Variants in CFD observed in about 807,000 individuals in gnomAD.
CFD encodes the protein C3 convertase activator.
Under a neutral mutation model 21.1 loss-of-function variants are expected in CFD, and 24 were observed. The observed-to-expected ratio is 1.14, with a 90% CI of 0.82 to 1.60. The LOEUF (loss-of-function observed/expected upper bound fraction) is 1.60, where lower values mean the gene tolerates loss of function less well. CFD is among the 40% of genes most tolerant of loss of function. The pLI, the probability that CFD is intolerant of heterozygous loss-of-function variation, is 0.00. For synonymous variants in CFD, 242 were observed against 175.9 expected (o/e 1.38, Z -2.97); for missense variants, 535 against 383.3 (o/e 1.40, Z -3.31).
Position 863,357 on chromosome 19 carries a change from G to A in CFD, c.*119G>A, listed in dbSNP as rs1035605269. The A allele has an allele frequency of 2.4e-5, 29 of 1,185,540 alleles. No individual in the cohort carries two copies. Among genetic ancestry groups the A allele is most frequent in the East Asian group, 2.3e-4 (9 of 38,548 alleles). The allele number at this position is 1,185,540 out of a possible 1,614,324, so 73.4% of individuals were successfully genotyped here. A position where few individuals can be genotyped will look rare whatever the true frequency, so the allele number is the denominator to read the frequency against. ...CCTACTATATGCAGAAGGGGAGGCCGAGGTGGGAGGATCATTGGATCTCAG... is the reference window on the plus strand; with the variant it reads ...CCTACTATATGCAGAAGGGGAGGCCAAGGTGGGAGGATCATTGGATCTCAG... On this transcript the variant is annotated 3_prime_UTR_variant, in exon 5 of 5. Transcript: ENST00000327726.
chr19:863,175 G>GT lies in CFD; in HGVS notation c.699_700insT (p.Lys234Ter), dbSNP rs1171443297. The GT allele has an allele frequency of 6.6e-7, 1 of 1,517,268 alleles. No individual in the cohort carries two copies. The highest frequency in any genetic ancestry group is 8.8e-7 in the Non-Finnish European group (1 of 1,138,064). The allele number at this position is 1,517,268 out of a possible 1,614,324, so 94.0% of individuals were successfully genotyped here. A position where few individuals can be genotyped will look rare whatever the true frequency, so the allele number is the denominator to read the frequency against. On this transcript the variant is annotated frameshift_variant, in exon 5 of 5. Coordinates refer to ENST00000327726, the MANE Select transcript of CFD (RefSeq NM_001928.4). LOFTEE classifies it low-confidence loss of function (END_TRUNC). ...GCTCGCGCGTTTGCGGCAACCGCAA[G>GT]AAGCCCGGGATCTACACCCGCGTGG...
chr19:860,336 C>G (rs2035766937), intron 1 of CFD, among the ~76,000 whole-genome samples: 1 of 151,794 alleles, frequency 6.6e-6, no homozygotes, highest in South Asian at 2.1e-4. Context: ...GATTATAGGC[C>G]ACGCCGACTA....
At chr19:862,191 C>T (rs1416446605) in intron 4 of CFD, among the ~76,000 whole-genome samples, 2 of 70,398 alleles carry the variant, frequency 2.8e-5, no homozygotes, top group Admixed American at 2.1e-4. Flanking sequence ...GGAGAAGGTA[C>T]GGGGCCTCTG....
In CFD at chr19:861,842, G is replaced by A; in HGVS notation, c.501G>A (p.Gln167=). The A allele has an allele frequency of 6.9e-6, 11 of 1,600,124 alleles. No homozygotes were observed. Among genetic ancestry groups the A allele is most frequent in the East Asian group, 2.2e-5 (1 of 44,702 alleles). ...NHAGRRPDSL[Q]HVLLPVLDRA... is the part of the protein sequence containing the mutation. ...CGGGCCGCCGCCCGGACAGCCTGCA[G>A]CACGTGCTCTTGCCAGTGCTGGACC... is the stretch of plus-strand genomic sequence containing the variant. The change falls in exon 4 of 5, where the codon CAG becomes CAA. Residue 167 remains glutamine (Q), a synonymous_variant. Transcript: ENST00000327726.
At chr19:862,150 T>C (rs1171080302) in intron 4 of CFD, among the ~76,000 whole-genome samples, 194 bp downstream of exon 4, 1 of 4,930 alleles carries the variant, frequency 2.0e-4, no homozygotes, top group Non-Finnish European at 3.5e-4. Context: ...GCGGGGCATG[T>C]GGGTAGGGTG....
chr19:862,035 GC>G, intron 4 of CFD, 79 bp downstream of exon 4: 2 of 1,490,172 alleles, frequency 1.3e-6, no homozygotes, highest in Non-Finnish European at 1.8e-6. Context: ...GAAGCGGGGG[GC>G]AAGTAGGAAC....
At position 859,666 on chromosome 19, in the gene CFD, T is replaced by C; in HGVS notation, c.-24T>C. The C allele has an allele frequency of 6.4e-7, 1 of 1,554,336 alleles. No individual in the cohort carries two copies. Among genetic ancestry groups the C allele is most frequent in the Non-Finnish European group, 8.7e-7 (1 of 1,148,832 alleles). ...ACCCCCAGGGCCCTGCCTGGGTCAG[T>C]GTCTCAGCCACAGCGGCTTCACCAT... is the stretch of plus-strand genomic sequence containing the variant. On this transcript the variant is annotated 5_prime_UTR_variant, in exon 1 of 5. Transcript: ENST00000327726.
intron 4 of CFD, 131 bp downstream of exon 4, chr19:862,087 T>C: frequency 1.0e-6 from 1 of 984,620 alleles, no homozygotes; most frequent in Non-Finnish European, 1.2e-6. Flanking sequence ...GGGCGGGAAC[T>C]GGAAGATGGG....
intron 3 of CFD, among the ~76,000 whole-genome samples, chr19:861,275 A>C (rs537649717): frequency 6.4e-5 from 1 of 15,648 alleles, no homozygotes; most frequent in South Asian, 2.2e-3. Context: ...CCACACCCTC[A>C]CCCCGGGTCT....
In CFD at chr19:859,743, C is replaced by G. The variant is rs1363632175; in HGVS notation, c.54C>G (p.Cys18Trp). ...TGGTCCTCCTAGGAGCGGCCGCCTG[C>G]GGTGAGGAGGCCTGGGCCTGGGGTG... ...AVLVLLGAAA[C>W]AAPPRGRILG... The change falls in exon 1 of 5, where the codon TGC becomes TGG. Residue 18 changes from cysteine (C) to tryptophan (W), a missense_variant and splice_region_variant. Transcript: ENST00000327726. 30 of 1,568,920 alleles carry G rather than the reference C, an allele frequency of 1.9e-5. No homozygotes were observed. The highest frequency in any genetic ancestry group is 2.5e-5 in the Non-Finnish European group (29 of 1,156,746).
rs1325598497 is a variant in CFD, at chr19:862,116, C to A, written c.615+160C>A. Among the ~76,000 whole-genome samples, 5 of 20,988 alleles carry A rather than the reference C, an allele frequency of 2.4e-4. No individual in the cohort carries two copies. The East Asian group carries it at 5.5e-3, about 23-fold the overall frequency. 13.8% of individuals were successfully genotyped at this position (20,988 alleles called of 152,430 possible). A position where few individuals can be genotyped will look rare whatever the true frequency, so the allele number is the denominator to read the frequency against. ...AGATGGGCGGAGCATGAGGGTGGCC[C>A]GTGGGCGGGGCCTGTATGAGGGGGC... On this transcript the variant is annotated intron_variant, in intron 4 of 4. Coordinates refer to ENST00000327726, the MANE Select transcript of CFD (RefSeq NM_001928.4).
chr19:861,805 T>C lies in CFD; in HGVS notation c.464T>C (p.Ile155Thr). Residue 155 changes from isoleucine (I) to threonine (T), a missense_variant, in exon 4 of 5, where the codon ATA (isoleucine) becomes ACA (threonine). Coordinates refer to ENST00000327726, the MANE Select transcript of CFD (RefSeq NM_001928.4). ...GTLCDVAGWG[I>T]VNHAGRRPDS... ...CTCTGCGACGTGGCCGGCTGGGGCA[T>C]AGTCAACCACGCGGGCCGCCGCCCG... 4.4e-6 allele frequency: 7 copies of C among 1,604,056 alleles called. No individual in the cohort carries two copies. Among genetic ancestry groups the C allele is most frequent in the Non-Finnish European group, 5.1e-6 (6 of 1,179,164 alleles).
Position 863,150 on chromosome 19 carries a change from G to T in CFD, c.674G>T (p.Gly225Val). 1 of 1,535,864 alleles carries T rather than the reference G, an allele frequency of 6.5e-7. No individual in the cohort carries two copies. The stretch of plus-strand genomic sequence containing the variant: ...GTGCTCGAGGGCGTGGTCACCTCGG[G>T]CTCGCGCGTTTGCGGCAACCGCAAG... ...GGVLEGVVTSGSRVCGNRKKP... is the reference protein window; with the variant it reads ...GGVLEGVVTSVSRVCGNRKKP... Residue 225 changes from glycine to valine, a missense_variant, in exon 5 of 5, where the codon GGC becomes GTC. Gly to Val is a moderately radical substitution (Grantham distance 109). Coordinates refer to ENST00000327726, the MANE Select transcript of CFD (RefSeq NM_001928.4).
At position 861,783 on chromosome 19, in the gene CFD, T is replaced by A; in HGVS notation, c.442T>A (p.Cys148Ser). The A allele has an allele frequency of 1.2e-6, 2 of 1,605,472 alleles. No homozygotes were observed. Among genetic ancestry groups the A allele is most frequent in the Non-Finnish European group, 1.7e-6 (2 of 1,179,070 alleles). ...CCGCGACGTGGCACCGGGAACTCTC[T>A]GCGACGTGGCCGGCTGGGGCATAGT... ...VDRDVAPGTL[C>S]DVAGWGIVNH... Residue 148 changes from cysteine (C) to serine (S), a missense_variant, in exon 4 of 5, where the codon TGC becomes AGC. Physicochemically the swap from Cys to Ser is moderately radical, Grantham distance 112. Transcript: ENST00000327726.
intron 4 of CFD, among the ~76,000 whole-genome samples, 162 bp from the exon 5 acceptor site, chr19:862,930 G>T (rs373241671): frequency 6.6e-6 from 1 of 152,168 alleles, no homozygotes; most frequent in African/African-American, 2.4e-5. Context: ...TGTGGCCTAG[G>T]CGATAGGCGT....
Position 863,081 on chromosome 19 carries a change from T to C in CFD, c.616-11T>C. ...CGGGCCGCCCCTCACGGCCCCGTCC[T>C]GTTCCGGCAGGGTGACTCCGGGGGC... On this transcript the variant is annotated splice_polypyrimidine_tract_variant and intron_variant, in intron 4 of 4. Transcript: ENST00000327726. 1 of 1,518,382 alleles carries C rather than the reference T, an allele frequency of 6.6e-7. No individual in the cohort carries two copies. Among genetic ancestry groups the C allele is most frequent in the Non-Finnish European group, 8.8e-7 (1 of 1,133,762 alleles). The allele number at this position is 1,518,382 out of a possible 1,614,324, so 94.1% of individuals were successfully genotyped here. A position where few individuals can be genotyped will look rare whatever the true frequency, so the allele number is the denominator to read the frequency against.
At chr19:860,839 G>T (rs750872367) in intron 2 of CFD, 22 bp from the exon 3 acceptor site, 3 of 1,558,846 alleles carry the variant, frequency 1.9e-6, no homozygotes, top group East Asian at 2.4e-5. Flanking sequence ...GGCACCGACC[G>T]CGGACTCCGT....
rs372044601 is a variant in CFD, at chr19:861,649, C to T, written c.358-50C>T. On this transcript the variant is annotated intron_variant, in intron 3 of 4. Transcript: ENST00000327726. Reference sequence around the variant, plus strand: ...CTCCCCGAGCCTAGCGGCATTCTCCCCAGCCTCGCACCCCCGCACCCCAAC... The same window carrying T: ...CTCCCCGAGCCTAGCGGCATTCTCCTCAGCCTCGCACCCCCGCACCCCAAC... The T allele has an allele frequency of 1.7e-4, 269 of 1,553,654 alleles. 3 individuals are homozygous for T. In the African/African-American group the frequency reaches 3.1e-3, roughly 18 times the overall value.
At position 863,599 on chromosome 19, in the gene CFD, CT is replaced by C; in HGVS notation, c.*362del. 1 of 205,718 alleles carries C rather than the reference CT, an allele frequency of 4.9e-6. No homozygotes were observed. The highest frequency in any genetic ancestry group is 8.8e-5 in the South Asian group (1 of 11,386). The allele number at this position is 205,718 out of a possible 1,614,324, so 12.7% of individuals were successfully genotyped here. A position where few individuals can be genotyped will look rare whatever the true frequency, so the allele number is the denominator to read the frequency against. On this transcript the variant is annotated 3_prime_UTR_variant, in exon 5 of 5. Transcript: ENST00000327726. ...CCTGGGCAACAGAGTGAAACCTTGT[CT>C]CTCTCTACAAAAAAAAAAAAAAAAT... is the stretch of plus-strand genomic sequence containing the variant.
Sources: gnomAD v4.1 joint callset for allele counts (sites outside exome capture counted in the v4.1 genomes callset) on GRCh38, gnomAD v4.1.1 for gene constraint, MANE v1.5 for transcripts, NCBI Gene and HGNC (gene_info 2026-07-23, HGNC 2026-07-21) for gene names.